The following USP25 variants were observed in gnomAD, a reference collection of about 807,000 sequenced individuals.
The protein encoded by USP25 is ubiquitin specific peptidase 25, also known as ubiquitin carboxyl-terminal hydrolase 25.
USP25 carries 85 observed loss-of-function variants against 158.5 expected under a neutral mutation model. That is an observed-to-expected ratio of 0.54 (90% confidence interval 0.45 to 0.64). The LOEUF (loss-of-function observed/expected upper bound fraction) is 0.64. Among genes scored for constraint, USP25 ranks in the 30% least tolerant of loss-of-function variants. The pLI is 0.00. For synonymous variants in USP25, 464 were observed against 460.4 expected, an observed-to-expected ratio of 1.01 and a Z score of -0.10; for missense variants, 1,242 against 1,327.3, an observed-to-expected ratio of 0.94 and a Z score of 1.00.
rs1197598281 is a variant in USP25, at chr21:15,816,048, C to G, written c.932-2650C>G. Reference sequence around the variant, plus strand: ...TGGAATGATGTGGTTCAGCTGTGTCCTGATGTAAATCTCAACTTGAATTAT... The same window carrying G: ...TGGAATGATGTGGTTCAGCTGTGTCGTGATGTAAATCTCAACTTGAATTAT... On this transcript the variant is annotated intron_variant, in intron 9 of 25. Transcript: ENST00000400183. The surrounding 1 kb of genome is among the most constrained non-coding windows in gnomAD (Gnocchi z 4.0). Among the ~76,000 whole-genome samples the G allele has an allele frequency of 6.6e-6, 1 of 152,124 alleles. No homozygotes were observed. The highest frequency in any genetic ancestry group is 1.5e-5 in the Non-Finnish European group (1 of 68,030).
In USP25 at chr21:15,816,107, C is replaced by G; in HGVS notation, c.932-2591C>G. ...GAGTTCCCACATGTTGTGGGAGGGACCCAGGCGGAGGTAACTGAATCATGG... is the reference window on the plus strand; with the variant it reads ...GAGTTCCCACATGTTGTGGGAGGGAGCCAGGCGGAGGTAACTGAATCATGG... On this transcript the variant is annotated intron_variant, in intron 9 of 25. Coordinates refer to ENST00000400183, the MANE Select transcript of USP25 (RefSeq NM_001283041.3). This position sits in a 1 kb window ranked among gnomAD's most constrained non-coding sequence, Gnocchi z 4.0. 6.6e-6 allele frequency among the ~76,000 whole-genome samples: 1 copy of G among 152,116 alleles called. No homozygotes were observed. The highest frequency in any genetic ancestry group is 1.9e-4 in the East Asian group (1 of 5,182).
intron 14 of USP25, 38 bp downstream of exon 14, chr21:15,827,241 G>C (rs767481074): frequency 2.0e-6 from 3 of 1,483,176 alleles, no homozygotes; most frequent in Non-Finnish European, 2.8e-6. Flanking sequence ...TGTCACCTCA[G>C]ATGGATATGT....
intron 1 of USP25, among the ~76,000 whole-genome samples, chr21:15,734,627 T>C (rs2031304161): frequency 6.6e-6 from 1 of 151,924 alleles, no homozygotes; most frequent in Non-Finnish European, 1.5e-5. Flanking sequence ...CCTTTACAAA[T>C]ACTTAATATT....
intron 4 of USP25, among the ~76,000 whole-genome samples, chr21:15,779,272 T>G (rs2034827271): frequency 6.6e-6 from 1 of 152,034 alleles, no homozygotes; most frequent in African/African-American, 2.4e-5. Context: ...GAATTGGGCT[T>G]TTTCTTTTTA....
chr21:15,796,610 A>G (rs1411043952), intron 5 of USP25, among the ~76,000 whole-genome samples: 1 of 151,456 alleles, frequency 6.6e-6, no homozygotes, highest in African/African-American at 2.4e-5. Flanking sequence ...TGAGAACTGA[A>G]AGTTAAGACA....
At chr21:15,760,164 C>T (rs2033642691) in intron 1 of USP25, among the ~76,000 whole-genome samples, 1 of 152,358 alleles carries the variant, frequency 6.6e-6, no homozygotes, top group Non-Finnish European at 1.5e-5. Context: ...TCCCAATCTC[C>T]TTTGCAGCTA....
Position 15,826,202 on chromosome 21 carries a change from A to T in USP25, c.1305-2A>T. 3.1e-6 allele frequency: 5 copies of T among 1,613,622 alleles called. 1 individual carries two copies. The highest frequency in any genetic ancestry group is 3.4e-6 in the Non-Finnish European group (4 of 1,179,702). ...AGCATTTGTACATTTTATGATTAACAGATATTTAAGCTATGGTTCCGGTCC... is the reference window on the plus strand; with the variant it reads ...AGCATTTGTACATTTTATGATTAACTGATATTTAAGCTATGGTTCCGGTCC... On this transcript the variant is annotated splice_acceptor_variant, in intron 12 of 25. Transcript: ENST00000400183. LOFTEE classifies it high-confidence loss of function. The surrounding 1 kb of genome is among the most constrained non-coding windows in gnomAD (Gnocchi z 4.8).
At chr21:15,821,088 A>T (rs1036098688) in intron 10 of USP25, among the ~76,000 whole-genome samples, 1 of 151,948 alleles carries the variant, frequency 6.6e-6, no homozygotes, top group Non-Finnish European at 1.5e-5. Context: ...TGGAGGAAAA[A>T]AATTTCAGAT....
intron 14 of USP25, among the ~76,000 whole-genome samples, chr21:15,829,187 G>A (rs1003898303): frequency 1.3e-5 from 2 of 151,972 alleles, no homozygotes; most frequent in Middle Eastern, 3.4e-3. Flanking sequence ...ATGTTCAGGG[G>A]TACATGTGCA....
At chr21:15,734,672 T>C (rs1009210062) in intron 1 of USP25, among the ~76,000 whole-genome samples, 5 of 152,186 alleles carry the variant, frequency 3.3e-5, no homozygotes, top group South Asian at 2.1e-4. Context: ...TTACCACTTA[T>C]TACTTTAAGA....
chr21:15,874,288 TATA>T (rs2040012335), intron 23 of USP25, 112 bp from the exon 24 acceptor site: 22 of 953,262 alleles, frequency 2.3e-5, no homozygotes, highest in Non-Finnish European at 3.3e-5. Context: ...TATTTTTTAT[TATA>T]ATGTAGATTA....
At position 15,877,990 on chromosome 21, in the gene USP25, A is replaced by G; in HGVS notation, c.3204A>G (p.Glu1068=). Reference sequence around the variant, plus strand: ...GTTCCTACCTTGGTCAAGAAATGGAACGTAAGTTTAAACAATGGTAGTAGG... The same window carrying G: ...GTTCCTACCTTGGTCAAGAAATGGAGCGTAAGTTTAAACAATGGTAGTAGG... ...RWCSYLGQEM[E]PHLQEKLTDF... Residue 1068 remains glutamate, a splice_region_variant and synonymous_variant, in exon 25 of 26, where the codon GAA becomes GAG. Coordinates refer to ENST00000400183, the MANE Select transcript of USP25 (RefSeq NM_001283041.3). 6.2e-7 allele frequency: 1 copy of G among 1,607,244 alleles called. No homozygotes were observed.
chr21:15,730,610 G>T (rs1289919477), intron 1 of USP25, among the ~76,000 whole-genome samples, 172 bp downstream of exon 1: 2 of 152,192 alleles, frequency 1.3e-5, no homozygotes, highest in Admixed American at 6.5e-5. Context: ...GCCCAGCTGC[G>T]TGTGGGAAGC....
At chr21:15,829,798 T>C (rs2037707026) in intron 14 of USP25, among the ~76,000 whole-genome samples, 1 of 152,132 alleles carries the variant, frequency 6.6e-6, no homozygotes, top group Non-Finnish European at 1.5e-5. Flanking sequence ...TTTTAAAGTG[T>C]TGGGCAGGGA....
intron 14 of USP25, among the ~76,000 whole-genome samples, chr21:15,830,091 T>C (rs2037723047): frequency 6.6e-6 from 1 of 152,192 alleles, no homozygotes; most frequent in South Asian, 2.1e-4. Context: ...ATAATTGTCA[T>C]GGGAGTGCCA....
chr21:15,735,204 T>G (rs1471912124), intron 1 of USP25, among the ~76,000 whole-genome samples: 1 of 152,202 alleles, frequency 6.6e-6, no homozygotes, highest in African/African-American at 2.4e-5. Context: ...TATAATAAAT[T>G]TAAACCTAGA....
At chr21:15,771,777 A>C (rs1313468677) in intron 3 of USP25, among the ~76,000 whole-genome samples, 1 of 151,494 alleles carries the variant, frequency 6.6e-6, no homozygotes, top group Non-Finnish European at 1.5e-5. Context: ...TTTTCCCTTC[A>C]GTTACTCCTG....
chr21:15,827,765 CGTGTGTGTGTGTGTGTGTGTGTGTGT>C (rs34923569), intron 14 of USP25, among the ~76,000 whole-genome samples: 6 of 136,810 alleles, frequency 4.4e-5, no homozygotes, highest in Non-Finnish European at 8.2e-5. Context: ...TGTGCGTGTG[CGTGTGTGTGTGTGTGTGTGTGTGTGT>C]GTGTGTGTGT....
intron 1 of USP25, among the ~76,000 whole-genome samples, chr21:15,730,976 G>GTTTTTTTTTTTTT (rs748732727): frequency 7.5e-5 from 4 of 53,646 alleles, no homozygotes; most frequent in African/African-American, 6.9e-5. Flanking sequence ...CTTCTTTTCT[G>GTTTTTTTTTTTTT]TTTTTTTTTT....
Sources: gnomAD v4.1 joint callset for allele counts (sites outside exome capture counted in the v4.1 genomes callset) on GRCh38, gnomAD v4.1.1 for gene constraint, Gnocchi (gnomAD v3.1) non-coding constraint, MANE v1.5 for transcripts, NCBI Gene and HGNC (gene_info 2026-07-23, HGNC 2026-07-21) for gene names.